METTL22: variants seen among roughly 807,000 people sequenced by gnomAD.
METTL22 encodes the protein methyltransferase-like protein 22.
Under a neutral mutation model 48.4 loss-of-function variants are expected in METTL22, and 51 were observed. That is an observed-to-expected ratio of 1.05 (90% CI 0.84 to 1.33). The LOEUF is 1.33. METTL22 is among the 40% of genes most tolerant of loss of function. METTL22 has a pLI of 0.00. For missense variants in METTL22, 678 were observed against 526.9 expected (o/e 1.29, Z -2.81); for synonymous variants, 255 against 214.1 (o/e 1.19, Z -1.67).
chr16:8,630,649 G>C (rs976081371), intron 3 of METTL22, among the ~76,000 whole-genome samples: 6 of 152,152 alleles, frequency 3.9e-5, no homozygotes, highest in Non-Finnish European at 8.8e-5. Flanking sequence ...TGTAGTGAAT[G>C]TTCTGGGAAT....
chr16:8,646,585 T>G lies in METTL22; in HGVS notation c.*442T>G. 1 of 463,200 alleles carries G rather than the reference T, an allele frequency of 2.2e-6. No individual in the cohort carries two copies. The highest frequency in any genetic ancestry group is 4.3e-6 in the Non-Finnish European group (1 of 231,514). The allele number at this position is 463,200 out of a possible 1,614,324, so 28.7% of individuals were successfully genotyped here. On this transcript the variant is annotated 3_prime_UTR_variant, in exon 11 of 11. Coordinates refer to ENST00000381920, the MANE Select transcript of METTL22 (RefSeq NM_024109.4). ...TTGCCGCTCGGCACAAAAGCCTCAT[T>G]TCCTCCCAGGGTTGGGTATGCTCCA...
chr16:8,628,946 A>T lies in METTL22; in HGVS notation c.350A>T (p.Asp117Val). 2 of 1,614,042 alleles carry T rather than the reference A, an allele frequency of 1.2e-6. No homozygotes were observed. Among genetic ancestry groups the T allele is most frequent in the Middle Eastern group, 1.6e-4 (1 of 6,062 alleles). The stretch of plus-strand genomic sequence containing the variant: ...CAGGAAGTGGCTGAAGCTCAGCTGG[A>T]TGAGGATGGGGATTTGGACGTGGTG... ...TGQEVAEAQL[D>V]EDGDLDVVRR... The change falls in exon 3 of 11, where the codon GAT becomes GTT. Residue 117 changes from aspartate to valine, a missense_variant. Physicochemically the swap from Asp to Val is radical, Grantham distance 152. Transcript: ENST00000381920.
At chr16:8,638,753 A>G (rs2056500205) in intron 5 of METTL22, among the ~76,000 whole-genome samples, 1 of 152,188 alleles carries the variant, frequency 6.6e-6, no homozygotes, top group Non-Finnish European at 1.5e-5. Flanking sequence ...AATGGGATTC[A>G]TGATCCCAGC....
rs1480307989 is a variant in METTL22, at chr16:8,635,041, C to T, written c.517C>T (p.His173Tyr). 1 of 1,613,426 alleles carries T rather than the reference C, an allele frequency of 6.2e-7. No homozygotes were observed. Among genetic ancestry groups the T allele is most frequent in the Non-Finnish European group, 8.5e-7 (1 of 1,180,048 alleles). ...CTCTTGGTTTCTGTCCCATCCAGAG[C>T]ACACCATGGCCACGCCCCTGGAGGA... The part of the protein sequence containing the change: ...GSPHDIIRIE[H>Y]TMATPLEDVG... Residue 173 changes from histidine (H) to tyrosine (Y), a missense_variant and splice_region_variant, in exon 4 of 11, where the codon CAC becomes TAC. Transcript: ENST00000381920.
chr16:8,639,437 T>A (rs534788537), intron 6 of METTL22: 451 of 517,216 alleles, frequency 8.7e-4, no homozygotes, highest in Middle Eastern at 1.6e-3. Flanking sequence ...TCTCCCCAGC[T>A]CCTTAGTTGA....
chr16:8,648,206 G>A lies in METTL22; in HGVS notation c.*2063G>A, dbSNP rs1730986. On this transcript the variant is annotated 3_prime_UTR_variant, in exon 11 of 11. Transcript: ENST00000381920. Reference sequence around the variant, plus strand: ...TCTGGCATGGTGGTTTGCGCCTGCAGTCCCAGCTACTTGGGAGGCCGAGGC... The same window carrying A: ...TCTGGCATGGTGGTTTGCGCCTGCAATCCCAGCTACTTGGGAGGCCGAGGC... 150,712 of 152,614 alleles carry A rather than the reference G, an allele frequency of 0.99. 74,451 individuals are homozygous for A. Among genetic ancestry groups the A allele is most frequent in the Middle Eastern group, 1 (298 of 298 alleles). 9.5% of individuals were successfully genotyped at this position (152,614 alleles called of 1,614,324 possible).
rs1427334381 is a variant in METTL22 at position 8,647,913 on chromosome 16, G to C, written c.*1770G>C. On this transcript the variant is annotated 3_prime_UTR_variant, in exon 11 of 11. Transcript: ENST00000381920. ...CAACATCACACAGCAACCAAGGGCA[G>C]AGTCAGGTTTAGAGCCCATGTCCAC... The C allele has an allele frequency of 6.6e-6, 1 of 152,280 alleles. No individual in the cohort carries two copies. The highest frequency in any genetic ancestry group is 2.4e-5 in the African/African-American group (1 of 41,472). 9.4% of individuals were successfully genotyped at this position (152,280 alleles called of 1,614,324 possible).
chr16:8,623,876 A>T (rs979677444), intron 1 of METTL22: 1 of 152,098 alleles, frequency 6.6e-6, no homozygotes, highest in Admixed American at 6.6e-5. Flanking sequence ...GGCCCTGAAG[A>T]TTTCATGACA....
Position 8,621,759 on chromosome 16 carries a change from G to C in METTL22, c.-187G>C, listed in dbSNP as rs778075187. ...AGACGGGAGTCGGGTGGGATCCCAG[G>C]CTGGGCCCCGCGGCGGGTAAGTGCC... On this transcript the variant is annotated 5_prime_UTR_variant, in exon 1 of 11. Coordinates refer to ENST00000381920, the MANE Select transcript of METTL22 (RefSeq NM_024109.4). The C allele has an allele frequency of 1.3e-5, 2 of 152,302 alleles. No homozygotes were observed. Among genetic ancestry groups the C allele is most frequent in the Non-Finnish European group, 2.9e-5 (2 of 68,096 alleles). The allele number at this position is 152,302 out of a possible 1,614,324, so 9.4% of individuals were successfully genotyped here. A position where few individuals can be genotyped will look rare whatever the true frequency, so the allele number is the denominator to read the frequency against.
rs546893932 is a variant in METTL22, at chr16:8,638,089, G to T, written c.701-1002G>T. 1.2e-4 allele frequency among the ~76,000 whole-genome samples: 18 copies of T among 149,462 alleles called. No individual in the cohort carries two copies. In the South Asian group the frequency reaches 3.0e-3, roughly 25 times the overall value. On this transcript the variant is annotated intron_variant, in intron 5 of 10. Transcript: ENST00000381920. Reference sequence around the variant, plus strand: ...TTGAACCTGGGAAGTGGAGGTTGCAGTGAGCCAAGGTTGCACCACTGTACT... The same window carrying T: ...TTGAACCTGGGAAGTGGAGGTTGCATTGAGCCAAGGTTGCACCACTGTACT...
chr16:8,627,801 G>T (rs113015087), intron 2 of METTL22, among the ~76,000 whole-genome samples: 2 of 152,108 alleles, frequency 1.3e-5, no homozygotes, highest in Non-Finnish European at 2.9e-5. Flanking sequence ...GCTGGAGTGC[G>T]GTGGTGCAGT....
rs544748648 is a variant in METTL22 at position 8,629,149 on chromosome 16, C to T, written c.514+39C>T. On this transcript the variant is annotated intron_variant, in intron 3 of 10. Coordinates refer to ENST00000381920, the MANE Select transcript of METTL22 (RefSeq NM_024109.4). Reference sequence around the variant, plus strand: ...TGATGTGGCCCACCTGTCACCAAGGCAACTCCGCAGTGTCACTGCTCAGGG... The same window carrying T: ...TGATGTGGCCCACCTGTCACCAAGGTAACTCCGCAGTGTCACTGCTCAGGG... 2.3e-5 allele frequency: 36 copies of T among 1,587,424 alleles called. No individual in the cohort carries two copies. The East Asian group carries it at 8.1e-4, about 36-fold the overall frequency.
intron 1 of METTL22, among the ~76,000 whole-genome samples, chr16:8,625,079 G>C (rs900859739): frequency 1.2e-4 from 18 of 152,074 alleles, no homozygotes; most frequent in Admixed American, 7.9e-4. Context: ...TGACTTTAAT[G>C]CTATTAGGGA....
At position 8,639,291 on chromosome 16, in the gene METTL22, G is replaced by A; in HGVS notation, c.772+129G>A. On this transcript the variant is annotated intron_variant, in intron 6 of 10. Coordinates refer to ENST00000381920, the MANE Select transcript of METTL22 (RefSeq NM_024109.4). ...CCCTTGCAGCAGGTGAGTAAGGGGA[G>A]CAGGCGTCGTCTGGGCATCACAGAG... The A allele has an allele frequency of 5.7e-6, 5 of 876,112 alleles. No homozygotes were observed. The South Asian group carries it at 6.9e-5, about 12-fold the overall frequency. 54.3% of individuals were successfully genotyped at this position (876,112 alleles called of 1,614,324 possible).
chr16:8,628,511 T>C (rs1351892166), intron 2 of METTL22, among the ~76,000 whole-genome samples: 1 of 152,032 alleles, frequency 6.6e-6, no homozygotes, highest in Non-Finnish European at 1.5e-5. Flanking sequence ...GCCTCATAGA[T>C]TCTCATGAAA....
intron 2 of METTL22, among the ~76,000 whole-genome samples, chr16:8,627,894 A>T (rs2056115926): frequency 6.6e-6 from 1 of 152,196 alleles, no homozygotes; most frequent in South Asian, 2.1e-4. Flanking sequence ...CTATAGGCAC[A>T]TGCCACCATA....
intron 5 of METTL22, among the ~76,000 whole-genome samples, chr16:8,637,686 T>C (rs4985017): frequency 0.99 from 151,503 of 152,338 alleles, 75,342 homozygotes; most frequent in Middle Eastern, 1. Flanking sequence ...TTTCAGATTG[T>C]GTTGCATGGA....
At chr16:8,655,828 T>C in the METTL22 span, among the ~76,000 whole-genome samples, 1 of 152,230 alleles carries the variant, frequency 6.6e-6, no homozygotes, top group East Asian at 1.9e-4. Flanking sequence ...CAATCTATTA[T>C]CCACCTAAAT....
rs2056859979 is a variant in METTL22 at position 8,649,487 on chromosome 16, G to C, written c.*3344G>C. 3 of 152,108 alleles carry C rather than the reference G, an allele frequency of 2.0e-5. No homozygotes were observed. The highest frequency in any genetic ancestry group is 2.0e-4 in the Admixed American group (3 of 15,264). 9.4% of individuals were successfully genotyped at this position (152,108 alleles called of 1,614,324 possible). A position where few individuals can be genotyped will look rare whatever the true frequency, so the allele number is the denominator to read the frequency against. ...GGCTGTTCAGCTGCAGCCTGCATGG[G>C]AAAGAACTGTTAAAACCAACAAAGC... On this transcript the variant is annotated 3_prime_UTR_variant, in exon 11 of 11. Coordinates refer to ENST00000381920, the MANE Select transcript of METTL22 (RefSeq NM_024109.4).
Sources: gnomAD v4.1 joint callset for allele counts (sites outside exome capture counted in the v4.1 genomes callset) on GRCh38, gnomAD v4.1.1 for gene constraint, MANE v1.5 for transcripts, NCBI Gene and HGNC (gene_info 2026-07-23, HGNC 2026-07-21) for gene names.